Variants in MAD1L1 observed in about 807,000 individuals in gnomAD.
The protein encoded by MAD1L1 is mitotic spindle assembly checkpoint protein MAD1.
In MAD1L1, 95 loss-of-function variants were observed where a neutral mutation model predicts 96.9. The ratio of observed to expected loss-of-function variants is 0.98; its 90% CI spans 0.83 to 1.16. MAD1L1 has a LOEUF of 1.16. Among genes scored for constraint, MAD1L1 ranks in the 50% most tolerant of loss-of-function variants. The pLI is 0.00. For missense variants in MAD1L1, 1,007 were observed against 954.4 expected (o/e 1.06, Z -0.73); for synonymous variants, 473 against 396.6 (o/e 1.19, Z -2.29).
chr7:1,853,545 G>A (rs956424759), intron 18 of MAD1L1, among the ~76,000 whole-genome samples: 54 of 152,128 alleles, frequency 3.5e-4, no homozygotes, highest in Non-Finnish European at 7.4e-5. Context: ...ATGCTTCCTT[G>A]CCACTGCCAT....
intron 12 of MAD1L1, among the ~76,000 whole-genome samples, chr7:2,024,189 G>C (rs1782902422): frequency 2.0e-5 from 3 of 151,634 alleles, no homozygotes; most frequent in Admixed American, 2.0e-4. Flanking sequence ...TAATCCTATA[G>C]GCATCTAAAG....
At position 2,048,742 on chromosome 7, in the gene MAD1L1, T is replaced by A. The variant is rs1258345632; in HGVS notation, c.1218+20452A>T. Among the ~76,000 whole-genome samples, 4 of 152,146 alleles carry A rather than the reference T, an allele frequency of 2.6e-5. No individual in the cohort carries two copies. In the South Asian group the frequency reaches 8.3e-4, roughly 32 times the overall value. ...GCTGAACGGAGCTGTGATGGGAGCC[T>A]CCCGAGCCTGGCTGAGCCCCCTGTG... On this transcript the variant is annotated intron_variant, in intron 12 of 18. Transcript: ENST00000265854.
chr7:2,122,400 G>A (rs1788022090), intron 11 of MAD1L1, among the ~76,000 whole-genome samples: 2 of 152,188 alleles, frequency 1.3e-5, no homozygotes, highest in African/African-American at 2.4e-5. Context: ...GGCCGAGGCA[G>A]GCAGATCACC....
intron 16 of MAD1L1, among the ~76,000 whole-genome samples, chr7:1,943,175 A>G (rs935809242): frequency 1.7e-4 from 26 of 152,236 alleles, no homozygotes; most frequent in Non-Finnish European, 3.1e-4. Context: ...CTGTGGAAGA[A>G]AACAGAGGAG....
intron 17 of MAD1L1, among the ~76,000 whole-genome samples, chr7:1,925,880 A>G (rs985600847): frequency 2.0e-5 from 3 of 152,266 alleles, no homozygotes; most frequent in Non-Finnish European, 2.9e-5. Context: ...GAGGCCAGAA[A>G]AAAAGGAGAG....
rs1784919878 is a variant in MAD1L1 at position 2,067,267 on chromosome 7, G to T, written c.1218+1927C>A. Among the ~76,000 whole-genome samples the T allele has an allele frequency of 4.6e-5, 7 of 151,272 alleles. No individual in the cohort carries two copies. In the South Asian group the frequency reaches 1.5e-3, roughly 32 times the overall value. On this transcript the variant is annotated intron_variant, in intron 12 of 18. Transcript: ENST00000265854. ...TCAGGCCACGTTCGCAGGCACCCGG[G>T]GTCATCAGGCCACGTTCGCAGGCAC...
At chr7:1,853,591 G>T (rs898350333) in intron 18 of MAD1L1, among the ~76,000 whole-genome samples, 2 of 152,144 alleles carry the variant, frequency 1.3e-5, no homozygotes, top group African/African-American at 4.8e-5. Context: ...CTGCCTGCCT[G>T]ACCACAGCAG....
At chr7:2,102,242 C>T (rs905594216) in intron 11 of MAD1L1, among the ~76,000 whole-genome samples, 8 of 150,756 alleles carry the variant, frequency 5.3e-5, no homozygotes, top group African/African-American at 1.2e-4. Context: ...CCACCACCAC[C>T]ACCGCCACTG....
At chr7:1,862,051 G>A (rs190513099) in intron 18 of MAD1L1, among the ~76,000 whole-genome samples, 3 of 152,308 alleles carry the variant, frequency 2.0e-5, no homozygotes, top group African/African-American at 7.2e-5. Context: ...AGGCCTCCTA[G>A]ACCTGCAGAG....
At chr7:2,028,281 C>T (rs778776788) in intron 12 of MAD1L1, among the ~76,000 whole-genome samples, 12 of 151,920 alleles carry the variant, frequency 7.9e-5, no homozygotes, top group South Asian at 4.2e-4. Flanking sequence ...AAAAATTAGC[C>T]GGGCGTGGTG....
chr7:2,125,326 G>A (rs1435683769), intron 11 of MAD1L1, among the ~76,000 whole-genome samples: 1 of 152,124 alleles, frequency 6.6e-6, no homozygotes, highest in African/African-American at 2.4e-5. Flanking sequence ...TGCCCAGGTG[G>A]GGACAAAGAG....
At chr7:2,194,781 A>G (rs1791900489) in intron 10 of MAD1L1, among the ~76,000 whole-genome samples, 2 of 152,166 alleles carry the variant, frequency 1.3e-5, no homozygotes, top group African/African-American at 4.8e-5. Flanking sequence ...TTCTATTATT[A>G]AAAGTCTTTG....
chr7:1,826,335 C>G (rs917682407), intron 18 of MAD1L1, among the ~76,000 whole-genome samples: 7 of 152,140 alleles, frequency 4.6e-5, no homozygotes, highest in African/African-American at 1.4e-4. Flanking sequence ...TGTATTACCT[C>G]GGCCGAGGGC....
chr7:1,887,048 G>A (rs889995110), intron 18 of MAD1L1, among the ~76,000 whole-genome samples: 5 of 152,254 alleles, frequency 3.3e-5, no homozygotes, highest in African/African-American at 7.2e-5. Context: ...CTAACATGGC[G>A]CTTTGCATAC....
chr7:2,209,412 C>T (rs1792776938), intron 10 of MAD1L1, among the ~76,000 whole-genome samples: 1 of 152,216 alleles, frequency 6.6e-6, no homozygotes, highest in Non-Finnish European at 1.5e-5. Context: ...ACGCCAGGAG[C>T]TCACAGCCCA....
At position 2,106,172 on chromosome 7, in the gene MAD1L1, G is replaced by A. The variant is rs185086506; in HGVS notation, c.1074-36834C>T. Among the ~76,000 whole-genome samples, 923 of 148,168 alleles carry A rather than the reference G, an allele frequency of 6.2e-3. 3 individuals are homozygous for A. Among genetic ancestry groups the A allele is most frequent in the Admixed American group, 0.018 (272 of 14,816 alleles). On this transcript the variant is annotated intron_variant, in intron 11 of 18. Coordinates refer to ENST00000265854, the MANE Select transcript of MAD1L1 (RefSeq NM_001013836.2). ...CAGCACAGGGCCCTTGCCCCATTAC[G>A]CCTAGGCTAGGAATTGGGCCCTTAG... is the stretch of plus-strand genomic sequence containing the variant.
At chr7:1,903,622 A>G (rs1787418061) in intron 17 of MAD1L1, among the ~76,000 whole-genome samples, 2 of 143,508 alleles carry the variant, frequency 1.4e-5, no homozygotes, top group Admixed American at 1.4e-4. Flanking sequence ...CTCTTGCAGA[A>G]CTCATGATTG....
intron 15 of MAD1L1, among the ~76,000 whole-genome samples, chr7:1,966,742 A>G (rs1010446728): frequency 9.9e-5 from 15 of 152,228 alleles, no homozygotes; most frequent in African/African-American, 3.6e-4. Context: ...CAGCGATTCG[A>G]GCGTCTGCAA....
intron 10 of MAD1L1, among the ~76,000 whole-genome samples, chr7:2,202,331 T>G (rs1465997843): frequency 6.6e-6 from 1 of 152,190 alleles, no homozygotes; most frequent in African/African-American, 2.4e-5. Flanking sequence ...GCAGGCACCG[T>G]GCTCGGACGG....
Sources: allele counts gnomAD v4.1 joint callset (sites outside exome capture counted in the v4.1 genomes callset), GRCh38; gene constraint gnomAD v4.1.1; transcripts MANE v1.5; gene names NCBI Gene and HGNC (gene_info 2026-07-23, HGNC 2026-07-21).